The following DMBT1 variants were observed in gnomAD, a reference collection of about 807,000 sequenced individuals.
DMBT1 encodes deleted in malignant brain tumors 1, also known as scavenger receptor cysteine-rich domain-containing protein DMBT1.
A neutral mutation model predicts 252.9 loss-of-function variants in DMBT1; 198 were observed. That is an observed-to-expected ratio of 0.78 (90% CI 0.70 to 0.88). The LOEUF (loss-of-function observed/expected upper bound fraction) is 0.88, where lower values mean the gene tolerates loss of function less well. Among genes scored for constraint, DMBT1 ranks in the 40% least tolerant of loss-of-function variants. The pLI, the probability that DMBT1 is intolerant of heterozygous loss-of-function variation, is 0.00. For synonymous variants in DMBT1, 990 were observed against 942.7 expected, an observed-to-expected ratio of 1.05 and a Z score of -0.92; for missense variants, 2,432 against 2,404.7, an observed-to-expected ratio of 1.01 and a Z score of -0.24.
rs1370633809 is a variant in DMBT1, at chr10:122,620,266, C to T, written c.5259C>T (p.Thr1753=). The T allele has an allele frequency of 1.9e-6, 3 of 1,613,968 alleles. No homozygotes were observed. The highest frequency in any genetic ancestry group is 2.5e-6 in the Non-Finnish European group (3 of 1,179,884). Residue 1753 remains threonine, a synonymous_variant, in exon 43 of 56, where the codon ACC becomes ACT. Coordinates refer to ENST00000338354, the MANE Select transcript of DMBT1 (RefSeq NM_001377530.1). ...QSTPRPDTWL[T]TNLPALTVGS... is the part of the protein sequence containing the mutation. ...TGCAATTTACAGATACTTGGCTGACCACCAACTTACCGGCATTGACAGTAG... is the reference window on the plus strand; with the variant it reads ...TGCAATTTACAGATACTTGGCTGACTACCAACTTACCGGCATTGACAGTAG...
At chr10:122,567,221 G>C (rs3019523) in intron 2 of DMBT1, among the ~76,000 whole-genome samples, 1 of 152,030 alleles carries the variant, frequency 6.6e-6, no homozygotes. Flanking sequence ...CAGGGAGACC[G>C]AGCACTCTCC....
At chr10:122,626,108 T>G in intron 46 of DMBT1, 143 bp downstream of exon 46, 1 of 691,532 alleles carries the variant, frequency 1.4e-6, no homozygotes, top group Admixed American at 2.3e-5. Context: ...ACCCTTCACC[T>G]CTTCATTTGA....
At chr10:122,586,439 T>G in intron 16 of DMBT1, 56 bp downstream of exon 16, 1 of 1,575,732 alleles carries the variant, frequency 6.3e-7, no homozygotes, top group Non-Finnish European at 8.6e-7. Context: ...CTCAGGAAGG[T>G]TTTATTATGT....
intron 55 of DMBT1, among the ~76,000 whole-genome samples, chr10:122,640,913 C>T (rs997240279): frequency 6.6e-6 from 1 of 152,206 alleles, no homozygotes; most frequent in Non-Finnish European, 1.5e-5. Context: ...GTGAAAGCAC[C>T]TCTATGGACC....
intron 5 of DMBT1, 65 bp from the exon 6 acceptor site, chr10:122,573,650 C>A: frequency 6.3e-7 from 1 of 1,588,774 alleles, no homozygotes; most frequent in Admixed American, 1.7e-5. Flanking sequence ...GCTGAGCAAG[C>A]CCTGGACCAA....
chr10:122,601,050 G>T, intron 28 of DMBT1, 27 bp downstream of exon 28: 1 of 819,388 alleles, frequency 1.2e-6, no homozygotes, highest in South Asian at 1.6e-5. Context: ...CCCCTCCCTA[G>T]GGCTCACTGT....
Position 122,584,278 on chromosome 10 carries a change from A to C in DMBT1, c.1391-44A>C, listed in dbSNP as rs41288012. ...CTTCCACCTTTGTTCCGATTTTGCC[A>C]GCTTCTGTATAGTGCATCTGATCTG... is the stretch of plus-strand genomic sequence containing the variant. On this transcript the variant is annotated intron_variant, in intron 13 of 55. Coordinates refer to ENST00000338354, the MANE Select transcript of DMBT1 (RefSeq NM_001377530.1). 1,974 of 443,466 alleles carry C rather than the reference A, an allele frequency of 4.5e-3. 110 individuals carry two copies. Among genetic ancestry groups the C allele is most frequent in the South Asian group, 5.9e-3 (229 of 38,824 alleles). The allele number at this position is 443,466 out of a possible 1,614,324, so 27.5% of individuals were successfully genotyped here.
intron 18 of DMBT1, among the ~76,000 whole-genome samples, 163 bp downstream of exon 18, chr10:122,590,857 C>T (rs1452740858): frequency 6.7e-6 from 1 of 148,226 alleles, no homozygotes; most frequent in African/African-American, 2.4e-5. Flanking sequence ...CTTAACCAGA[C>T]ATGGTTAAGA....
chr10:122,640,452 A>G lies in DMBT1; in HGVS notation c.7352+3A>G. ...ACTTATGATCTAATCCGGAGTGGGT[A>G]AGGAGTGTCTTTATGCGATGGCCTT... On this transcript the variant is annotated splice_donor_region_variant and intron_variant, in intron 55 of 55. Coordinates refer to ENST00000338354, the MANE Select transcript of DMBT1 (RefSeq NM_001377530.1). 1.2e-6 allele frequency: 2 copies of G among 1,609,456 alleles called. No individual in the cohort carries two copies. The highest frequency in any genetic ancestry group is 1.1e-5 in the South Asian group (1 of 90,804).
intron 41 of DMBT1, 38 bp downstream of exon 41, chr10:122,618,378 G>A: frequency 6.2e-7 from 1 of 1,613,594 alleles, no homozygotes; most frequent in Non-Finnish European, 8.5e-7. Context: ...CTCTTAAGTT[G>A]AAGTTTGCTC....
chr10:122,564,838 A>G (rs1185400807), intron 1 of DMBT1, among the ~76,000 whole-genome samples: 1 of 152,216 alleles, frequency 6.6e-6, no homozygotes, highest in Non-Finnish European at 1.5e-5. Context: ...TGTACAATCA[A>G]TTCTACCATT....
At chr10:122,564,530 T>G (rs1166289775) in intron 1 of DMBT1, among the ~76,000 whole-genome samples, 1 of 152,058 alleles carries the variant, frequency 6.6e-6, no homozygotes, top group Non-Finnish European at 1.5e-5. Context: ...AAAGAAAGTA[T>G]GCTGGAATTG....
chr10:122,586,419 G>C, intron 16 of DMBT1, 36 bp downstream of exon 16: 1 of 1,584,952 alleles, frequency 6.3e-7, no homozygotes, highest in African/African-American at 1.3e-5. Flanking sequence ...CTCTCTTGGG[G>C]TAGATTTTGC....
chr10:122,575,456 T>A (rs2097704090), intron 6 of DMBT1, among the ~76,000 whole-genome samples: 1 of 152,144 alleles, frequency 6.6e-6, no homozygotes, highest in Non-Finnish European at 1.5e-5. Flanking sequence ...CCTCAGCAGA[T>A]CCTAGTTTAC....
intron 40 of DMBT1, among the ~76,000 whole-genome samples, chr10:122,617,522 G>T (rs1013155371): frequency 3.3e-5 from 5 of 151,514 alleles, no homozygotes; most frequent in East Asian, 2.0e-4. Context: ...GCACTGGAAG[G>T]CTCCCTAATC....
In DMBT1 at chr10:122,639,899, G is replaced by T. The variant is rs537513169; in HGVS notation, c.6943-141G>T. On this transcript the variant is annotated intron_variant, in intron 54 of 55. Coordinates refer to ENST00000338354, the MANE Select transcript of DMBT1 (RefSeq NM_001377530.1). ...GCTCATAGCCAAAGGATAGGCACGTGCCATGGCCATCTCTGAGTGGTTCTG... is the reference window on the plus strand; with the variant it reads ...GCTCATAGCCAAAGGATAGGCACGTTCCATGGCCATCTCTGAGTGGTTCTG... 1.7e-5 allele frequency: 17 copies of T among 1,004,644 alleles called. No individual in the cohort carries two copies. In the African/African-American group the frequency reaches 2.6e-4, roughly 15 times the overall value. 62.2% of individuals were successfully genotyped at this position (1,004,644 alleles called of 1,614,324 possible). A position where few individuals can be genotyped will look rare whatever the true frequency, so the allele number is the denominator to read the frequency against.
At chr10:122,619,396 C>T (rs1404884649) in intron 42 of DMBT1, 59 bp downstream of exon 42, 16 of 1,604,942 alleles carry the variant, frequency 1.0e-5, no homozygotes, top group Non-Finnish European at 8.5e-7. Flanking sequence ...GTTACCTCTT[C>T]CCCACTCCAC....
Position 122,576,427 on chromosome 10 carries a change from G to A in DMBT1, c.312G>A (p.Leu104=). 1.2e-6 allele frequency: 2 copies of A among 1,613,948 alleles called. No individual in the cohort carries two copies. Among genetic ancestry groups the A allele is most frequent in the South Asian group, 1.1e-5 (1 of 91,076 alleles). The part of the protein sequence containing the change: ...EGSDSGLALR[L]VNGDGRCQGR... ...CTGATTCTGGTTTGGCCCTGAGGCT[G>A]GTGAATGGAGATGGCAGGTGTCAGG... Residue 104 remains leucine (L), a synonymous_variant, in exon 7 of 56, where the codon CTG becomes CTA. Coordinates refer to ENST00000338354, the MANE Select transcript of DMBT1 (RefSeq NM_001377530.1).
chr10:122,561,582 C>CTTTCTA, intron 1 of DMBT1, among the ~76,000 whole-genome samples: 1 of 147,586 alleles, frequency 6.8e-6, no homozygotes, highest in South Asian at 2.2e-4. Context: ...CTCTCTCTCT[C>CTTTCTA]TCTTTCTCTC....
Sources: allele counts gnomAD v4.1 joint callset (sites outside exome capture counted in the v4.1 genomes callset), GRCh38; gene constraint gnomAD v4.1.1; transcripts MANE v1.5; gene names NCBI Gene and HGNC (gene_info 2026-07-23, HGNC 2026-07-21).